Variants in PRDM10 observed in about 807,000 individuals in gnomAD.
PRDM10 encodes the protein PR/SET domain 10.
In PRDM10, 65 loss-of-function variants were observed where a neutral mutation model predicts 133.1. The observed-to-expected ratio is 0.49, with a 90% CI of 0.40 to 0.60. The LOEUF (loss-of-function observed/expected upper bound fraction) is 0.60, where lower values mean the gene tolerates loss of function less well. Among genes scored for constraint, PRDM10 ranks in the 20% least tolerant of loss-of-function variants. PRDM10 has a pLI of 0.00. For missense variants in PRDM10, 1,137 were observed against 1,507.1 expected (o/e 0.75, Z 4.07); for synonymous variants, 582 against 580.4 (o/e 1.00, Z -0.04).
At chr11:129,976,601 G>C (rs1015957299) in intron 1 of PRDM10, among the ~76,000 whole-genome samples, 4 of 152,214 alleles carry the variant, frequency 2.6e-5, no homozygotes, top group African/African-American at 7.2e-5. Context: ...ACATGACTGA[G>C]AGATGTCACA....
chr11:129,938,810 C>T (rs907797149), intron 7 of PRDM10, among the ~76,000 whole-genome samples: 3 of 152,214 alleles, frequency 2.0e-5, no homozygotes, highest in Admixed American at 6.5e-5. Flanking sequence ...GTGATAATCT[C>T]CAAAGGGCTC....
At chr11:129,920,339 C>T (rs556173635) in intron 13 of PRDM10, among the ~76,000 whole-genome samples, 4 of 152,252 alleles carry the variant, frequency 2.6e-5, no homozygotes, top group East Asian at 1.9e-4. Flanking sequence ...CTGCCTAAGT[C>T]GTGCTTTTTG....
At chr11:129,971,604 A>C (rs1952026629) in intron 1 of PRDM10, among the ~76,000 whole-genome samples, 1 of 151,922 alleles carries the variant, frequency 6.6e-6, no homozygotes, top group Non-Finnish European at 1.5e-5. Context: ...GCTAGACATA[A>C]AGGTTCTCCA....
At chr11:129,969,812 A>T (rs1245254467) in intron 1 of PRDM10, among the ~76,000 whole-genome samples, 1 of 152,146 alleles carries the variant, frequency 6.6e-6, no homozygotes, top group African/African-American at 2.4e-5. Context: ...GTCTCAAAAA[A>T]CAAAAACAAA....
chr11:129,910,657 C>T lies in PRDM10; in HGVS notation c.2983-1G>A. 1 of 1,555,172 alleles carries T rather than the reference C, an allele frequency of 6.4e-7. No individual in the cohort carries two copies. On this transcript the variant is annotated splice_acceptor_variant, in intron 18 of 20. Transcript: ENST00000360871. LOFTEE classifies it high-confidence loss of function. Reference sequence around the variant, plus strand: ...AGGGACTCAACGGCTGCCCAGATACCTGGGGAGAAAGAGAAAGCAATGGTA... The same window carrying T: ...AGGGACTCAACGGCTGCCCAGATACTTGGGGAGAAAGAGAAAGCAATGGTA...
intron 4 of PRDM10, among the ~76,000 whole-genome samples, chr11:129,953,022 G>A (rs941379219): frequency 1.3e-5 from 2 of 150,818 alleles, no homozygotes; most frequent in Non-Finnish European, 2.9e-5. Flanking sequence ...CGCCCAAGCT[G>A]GAGTGCAATG....
chr11:129,956,591 A>G (rs1951700945), intron 3 of PRDM10, among the ~76,000 whole-genome samples: 1 of 152,192 alleles, frequency 6.6e-6, no homozygotes, highest in African/African-American at 2.4e-5. Flanking sequence ...AGTAAACAAA[A>G]TAAAAATTAT....
intron 9 of PRDM10, 82 bp downstream of exon 9, chr11:129,935,019 C>A: frequency 8.3e-7 from 1 of 1,199,542 alleles, no homozygotes; most frequent in South Asian, 1.3e-5. Context: ...CACTCGGAGA[C>A]ACTCATTAGC....
chr11:129,930,189 A>T (rs912941943), intron 11 of PRDM10, among the ~76,000 whole-genome samples: 3 of 152,252 alleles, frequency 2.0e-5, no homozygotes, highest in Non-Finnish European at 4.4e-5. Flanking sequence ...GAAATTGTAA[A>T]GCCTGGGAAG....
intron 4 of PRDM10, among the ~76,000 whole-genome samples, chr11:129,951,451 GTGTC>G (rs550669582): frequency 1.4e-3 from 217 of 152,348 alleles, no homozygotes; most frequent in Middle Eastern, 3.4e-3. Context: ...TTGGCAAGCA[GTGTC>G]TGTCTGTTTC....
intron 1 of PRDM10, among the ~76,000 whole-genome samples, chr11:129,994,740 C>T (rs1326410220): frequency 1.3e-5 from 2 of 152,090 alleles, no homozygotes; most frequent in African/African-American, 2.4e-5. Context: ...CAATCTCCGC[C>T]TCCTGGGTTC....
intron 1 of PRDM10, among the ~76,000 whole-genome samples, chr11:129,972,195 C>CG (rs1952046967): frequency 6.6e-6 from 1 of 152,196 alleles, no homozygotes; most frequent in African/African-American, 2.4e-5. Flanking sequence ...TTACAGCTGG[C>CG]GCCTCTCCCT....
Position 129,947,341 on chromosome 11 carries a change from C to T in PRDM10, c.324G>A (p.Leu108=). 1.2e-6 allele frequency: 2 copies of T among 1,614,196 alleles called. No individual in the cohort carries two copies. The highest frequency in any genetic ancestry group is 1.3e-5 in the African/African-American group (1 of 75,038). ...ACCCATCTACACTCTCGATGGAAGG[C>T]AGCACCTGGTTATGAACTGGCAATG... ...QASLPVHNQV[L]PSIESVDGSD... The change falls in exon 5 of 21, where the codon CTG becomes CTA. Residue 108 remains leucine (L), a synonymous_variant. Transcript: ENST00000360871. The surrounding 1 kb of genome is among the most constrained non-coding windows in gnomAD (Gnocchi z 4.6).
At chr11:130,002,468 G>A (rs1031643878) in intron 1 of PRDM10, among the ~76,000 whole-genome samples, 2 of 151,924 alleles carry the variant, frequency 1.3e-5, no homozygotes, top group Non-Finnish European at 2.9e-5. Context: ...CCCCCACCCC[G>A]AGTGAGGTGC....
rs145812928 is a variant in PRDM10 at position 129,947,310 on chromosome 11, G to A, written c.355C>T (p.Pro119Ser). 1.6e-3 allele frequency: 2,618 copies of A among 1,614,066 alleles called. 4 individuals carry two copies. The highest frequency in any genetic ancestry group is 2.0e-3 in the Non-Finnish European group (2,377 of 1,180,006). ...PSIESVDGSD[P>S]LATLQTPLGR... ...AGAGGGGTCTGCAGAGTTGCCAAAG[G>A]GTCGGACCCATCTACACTCTCGATG... The change falls in exon 5 of 21, where the codon CCT becomes TCT. Residue 119 changes from proline to serine, a missense_variant. Pro to Ser is a moderately conservative substitution (Grantham distance 74). Coordinates refer to ENST00000360871, the MANE Select transcript of PRDM10 (RefSeq NM_199437.2). This position sits in a 1 kb window ranked among gnomAD's most constrained non-coding sequence, Gnocchi z 4.6.
rs566639541 is a variant in PRDM10, at chr11:129,971,944, G to C, written c.-118-10862C>G. 1.1e-4 allele frequency among the ~76,000 whole-genome samples: 16 copies of C among 152,358 alleles called. No homozygotes were observed. The East Asian group carries it at 2.9e-3, about 28-fold the overall frequency. On this transcript the variant is annotated intron_variant, in intron 1 of 20. Transcript: ENST00000360871. ...ACCCACGGAGGGGGTGGGAGGCTCA[G>C]GCATGGCGGGCTGCAGGTCCCGAGC...
chr11:129,945,154 C>G lies in PRDM10; in HGVS notation c.521-142G>C, dbSNP rs996369099. ...ACTCCTAATGGCGCTACCCATTCAA[C>G]GGTAATACATTCTCTCTGGGAGACC... On this transcript the variant is annotated intron_variant, in intron 5 of 20. Transcript: ENST00000360871. This position sits in a 1 kb window ranked among gnomAD's most constrained non-coding sequence, Gnocchi z 4.2. 4.0e-6 allele frequency: 4 copies of G among 998,232 alleles called. No individual in the cohort carries two copies. Among genetic ancestry groups the G allele is most frequent in the Non-Finnish European group, 6.0e-6 (4 of 670,828 alleles). 61.8% of individuals were successfully genotyped at this position (998,232 alleles called of 1,614,324 possible). A position where few individuals can be genotyped will look rare whatever the true frequency, so the allele number is the denominator to read the frequency against.
intron 1 of PRDM10, among the ~76,000 whole-genome samples, chr11:129,982,770 G>A (rs1342940207): frequency 1.3e-5 from 2 of 151,948 alleles, no homozygotes; most frequent in African/African-American, 4.8e-5. Context: ...GGGCAACATG[G>A]CAAGACCTCC....
chr11:129,900,549 C>T lies in PRDM10; in HGVS notation c.*1764G>A, dbSNP rs952734843. On this transcript the variant is annotated 3_prime_UTR_variant, in exon 21 of 21. Transcript: ENST00000360871. ...ACCTTATGGTTCAAATTAAAAAGAA[C>T]GTAACAGGGCCAAATTTAAGTTATA... is the stretch of plus-strand genomic sequence containing the variant. The T allele has an allele frequency of 3.9e-5, 6 of 152,556 alleles. No individual in the cohort carries two copies. Among genetic ancestry groups the T allele is most frequent in the Non-Finnish European group, 8.8e-5 (6 of 68,026 alleles). The allele number at this position is 152,556 out of a possible 1,614,324, so 9.5% of individuals were successfully genotyped here.
Sources: allele counts gnomAD v4.1 joint callset (sites outside exome capture counted in the v4.1 genomes callset), GRCh38; gene constraint gnomAD v4.1.1; non-coding constraint Gnocchi (gnomAD v3.1); transcripts MANE v1.5; gene names NCBI Gene and HGNC (gene_info 2026-07-23, HGNC 2026-07-21).